The following TP63 variants were observed in gnomAD, a reference collection of about 807,000 sequenced individuals.
TP63 encodes tumor protein p63, also known as tumor protein 63.
TP63 carries 17 observed loss-of-function variants against 82.8 expected under a neutral mutation model. The observed-to-expected ratio is 0.21, with a 90% CI of 0.14 to 0.31. TP63 has a LOEUF of 0.31. Ranked by LOEUF, TP63 falls within the 10% of genes least tolerant of loss-of-function variation. The pLI is 1.00. For missense variants in TP63, 648 were observed against 895.3 expected, an observed-to-expected ratio of 0.72 and a Z score of 3.52; for synonymous variants, 330 against 321.7, an observed-to-expected ratio of 1.03 and a Z score of -0.28.
chr3:189,827,732 G>A (rs1711626266), intron 4 of TP63, among the ~76,000 whole-genome samples: 1 of 152,144 alleles, frequency 6.6e-6, no homozygotes, highest in Non-Finnish European at 1.5e-5. Flanking sequence ...AGGAAATGAG[G>A]CTAGAGAGAA....
rs150528666 is a variant in TP63, at chr3:189,860,359, G to A, written c.580-3873G>A. On this transcript the variant is annotated intron_variant, in intron 4 of 13. Transcript: ENST00000264731. ...CCCATGTTCCAATCTTGCAGAAGCCGGGAAAATTGGAGATGATGGTGCTAT... is the reference window on the plus strand; with the variant it reads ...CCCATGTTCCAATCTTGCAGAAGCCAGGAAAATTGGAGATGATGGTGCTAT... Among the ~76,000 whole-genome samples the A allele has an allele frequency of 6.0e-4, 91 of 152,248 alleles. 1 individual carries two copies. Among genetic ancestry groups the A allele is most frequent in the South Asian group, 2.7e-3 (13 of 4,816 alleles).
At chr3:189,802,248 A>G (rs1726391389) in intron 3 of TP63, among the ~76,000 whole-genome samples, 1 of 152,206 alleles carries the variant, frequency 6.6e-6, no homozygotes, top group Non-Finnish European at 1.5e-5. Context: ...AGGGTCATCA[A>G]GTAAAGCTGT....
At chr3:189,633,548 A>G (rs1729589951) in intron 1 of TP63, among the ~76,000 whole-genome samples, 1 of 152,130 alleles carries the variant, frequency 6.6e-6, no homozygotes, top group African/African-American at 2.4e-5. Flanking sequence ...AAGTCCCTGC[A>G]AAGGACATGA....
chr3:189,730,676 T>C (rs974048097), intron 1 of TP63, among the ~76,000 whole-genome samples: 1 of 152,166 alleles, frequency 6.6e-6, no homozygotes, highest in South Asian at 2.1e-4. Context: ...GATCCCATCC[T>C]CCCAATGAGG....
chr3:189,886,520 T>A lies in TP63; in HGVS notation c.1476T>A (p.Pro492=). Residue 492 remains proline, a synonymous_variant, in exon 11 of 14, where the codon CCT becomes CCA. Transcript: ENST00000264731. ...CTCAGCAGCGCAACGCCCTCACTCC[T>A]ACAACCATTCCTGATGGCATGGGAG... is the stretch of plus-strand genomic sequence containing the variant. ...INPQQRNALT[P]TTIPDGMGAN... 6.2e-7 allele frequency: 1 copy of A among 1,614,078 alleles called. No homozygotes were observed. The highest frequency in any genetic ancestry group is 2.2e-5 in the East Asian group (1 of 44,846).
chr3:189,633,187 C>T (rs751720132), intron 1 of TP63, among the ~76,000 whole-genome samples: 3 of 151,970 alleles, frequency 2.0e-5, no homozygotes, highest in Non-Finnish European at 4.4e-5. Flanking sequence ...CAGTTTTTGA[C>T]ATACTGTAAT....
At chr3:189,714,417 A>G (rs1279132619) in intron 1 of TP63, among the ~76,000 whole-genome samples, 4 of 152,232 alleles carry the variant, frequency 2.6e-5, no homozygotes, top group African/African-American at 9.6e-5. Flanking sequence ...ACCGAGAATA[A>G]TACAGAAATA....
chr3:189,639,926 T>G lies in TP63; in HGVS notation c.62+8349T>G, dbSNP rs376845606. Reference sequence around the variant, plus strand: ...CTGTTGATTGCATTTAATTTAACCCTCCATCAAATGCTGACATTTTATCAA... The same window carrying G: ...CTGTTGATTGCATTTAATTTAACCCGCCATCAAATGCTGACATTTTATCAA... On this transcript the variant is annotated intron_variant, in intron 1 of 13. Transcript: ENST00000264731. Among the ~76,000 whole-genome samples, 5 of 152,228 alleles carry G rather than the reference T, an allele frequency of 3.3e-5. 1 individual carries two copies.
the TP63 span, among the ~76,000 whole-genome samples, chr3:189,598,417 AT>A: frequency 2.0e-5 from 3 of 152,100 alleles, no homozygotes; most frequent in Admixed American, 2.0e-4. Flanking sequence ...ATAAAGCAAT[AT>A]AGAAAGAAAT....
chr3:189,828,810 G>A (rs1711848392), intron 4 of TP63, among the ~76,000 whole-genome samples: 1 of 152,154 alleles, frequency 6.6e-6, no homozygotes, highest in South Asian at 2.1e-4. Context: ...TCTTAACGTG[G>A]TATGGAAGTT....
At chr3:189,742,314 G>A (rs146627476) in intron 3 of TP63, among the ~76,000 whole-genome samples, 1 of 148,774 alleles carries the variant, frequency 6.7e-6, no homozygotes. Context: ...GACTGTGTAA[G>A]CATGCCTGTC....
intron 4 of TP63, among the ~76,000 whole-genome samples, chr3:189,852,748 G>A (rs941199115): frequency 3.9e-5 from 6 of 152,124 alleles, no homozygotes; most frequent in Admixed American, 6.6e-5. Context: ...CTCTTTGCCT[G>A]CTCATAGTAG....
At chr3:189,601,022 G>GA in the TP63 span, among the ~76,000 whole-genome samples, 7,676 of 152,178 alleles carry the variant, frequency 0.05, 288 homozygotes, top group African/African-American at 0.1. Context: ...ATTACCTTGT[G>GA]ATTTGGTATT....
At chr3:189,777,845 C>CTTTTTTTTTTTTTTTTTTTTTTTTT (rs55731981) in intron 3 of TP63, among the ~76,000 whole-genome samples, 1 of 37,752 alleles carries the variant, frequency 2.6e-5, no homozygotes, top group African/African-American at 1.2e-4. Context: ...TCTTCTTCTT[C>CTTTTTTTTTTTTTTTTTTTTTTTTT]TTTTTTTTTT....
chr3:189,838,307 G>T (rs1191115898), intron 4 of TP63, among the ~76,000 whole-genome samples: 5 of 151,976 alleles, frequency 3.3e-5, no homozygotes, highest in Non-Finnish European at 5.9e-5. Context: ...TCTCATAATA[G>T]GTTTGTTTTT....
intron 3 of TP63, among the ~76,000 whole-genome samples, chr3:189,748,117 C>A (rs1209846648): frequency 1.3e-5 from 2 of 151,954 alleles, no homozygotes; most frequent in Non-Finnish European, 2.9e-5. Flanking sequence ...AAGCTAAAAG[C>A]CTTTCCTCTA....
intron 4 of TP63, among the ~76,000 whole-genome samples, chr3:189,822,935 T>C (rs1356176832): frequency 1.3e-5 from 2 of 152,186 alleles, no homozygotes; most frequent in Non-Finnish European, 2.9e-5. Flanking sequence ...CCTCCAGTGG[T>C]GGTGAGTTCT....
At chr3:189,794,946 CT>C (rs1318732973) in intron 3 of TP63, among the ~76,000 whole-genome samples, 1 of 152,004 alleles carries the variant, frequency 6.6e-6, no homozygotes, top group African/African-American at 2.4e-5. Context: ...GCCCAGTGCT[CT>C]TTTTAATAGC....
chr3:189,762,018 G>A (rs966668961), intron 3 of TP63, among the ~76,000 whole-genome samples: 11 of 152,196 alleles, frequency 7.2e-5, no homozygotes, highest in Non-Finnish European at 1.5e-4. Flanking sequence ...CCCACAACAG[G>A]TGGGAATAGG....
Sources: gnomAD v4.1 joint callset for allele counts (sites outside exome capture counted in the v4.1 genomes callset) on GRCh38, gnomAD v4.1.1 for gene constraint, MANE v1.5 for transcripts, NCBI Gene and HGNC (gene_info 2026-07-23, HGNC 2026-07-21) for gene names.